Variants in ABCA12 observed in about 807,000 individuals in gnomAD.
ABCA12 encodes the protein glucosylceramide transporter ABCA12.
In ABCA12, 156 loss-of-function variants were observed where a neutral mutation model predicts 293.5. The observed-to-expected ratio is 0.53, with a 90% CI of 0.47 to 0.61. The LOEUF (loss-of-function observed/expected upper bound fraction) is 0.61. Ranked by LOEUF, ABCA12 falls within the 20% of genes least tolerant of loss-of-function variation. The pLI is 0.00. For missense variants in ABCA12, 2,797 were observed against 3,090.2 expected (o/e 0.91, Z 2.25); for synonymous variants, 1,063 against 1,108.0 (o/e 0.96, Z 0.81).
chr2:215,123,787 A>G (rs780448556), intron 1 of ABCA12, among the ~76,000 whole-genome samples: 37 of 151,010 alleles, frequency 2.5e-4, no homozygotes, highest in South Asian at 1.0e-3. Flanking sequence ...AATTTTTTTT[A>G]TAAGTTATTG....
chr2:215,055,267 G>A (rs1014143068), intron 3 of ABCA12, among the ~76,000 whole-genome samples: 5 of 152,034 alleles, frequency 3.3e-5, no homozygotes, highest in African/African-American at 1.2e-4. Context: ...TGTCAAGGCA[G>A]TAATAATTAC....
At chr2:214,981,547 T>A (rs2105965250) in intron 30 of ABCA12, among the ~76,000 whole-genome samples, 1 of 152,252 alleles carries the variant, frequency 6.6e-6, no homozygotes, top group African/African-American at 2.4e-5. Flanking sequence ...GCCAGTTAAG[T>A]GCTCAACTCA....
At chr2:214,964,210 T>G (rs1171398217) in intron 39 of ABCA12, among the ~76,000 whole-genome samples, 4 of 152,102 alleles carry the variant, frequency 2.6e-5, no homozygotes, top group Non-Finnish European at 5.9e-5. Flanking sequence ...TCAAACTAGG[T>G]ATTGAAGGAA....
In ABCA12 at chr2:215,025,735, A is replaced by C. The variant is rs1195388109; in HGVS notation, c.1225T>G (p.Phe409Val). 6.2e-7 allele frequency: 1 copy of C among 1,613,414 alleles called. No individual in the cohort carries two copies. The highest frequency in any genetic ancestry group is 2.2e-5 in the East Asian group (1 of 44,778). The part of the protein sequence containing the change: ...LQSTIRFKKS[F>V]LRNGSYEDYF... ...TCTTCATAGGAACCATTGCGAAGAA[A>C]AGATTTTTTAAATCGTATTGTGGAC... Residue 409 changes from phenylalanine to valine, a missense_variant, in exon 11 of 53, where the codon TTT becomes GTT. Around this residue, in one of 3 missense-constraint regions of ABCA12, gnomAD observed 656 missense variants for 638.2 expected, o/e 1.03. Transcript: ENST00000272895.
At chr2:215,030,863 GTTAAACCTAAGTAATCC>G (rs1700862568) in intron 9 of ABCA12, among the ~76,000 whole-genome samples, 1 of 152,148 alleles carries the variant, frequency 6.6e-6, no homozygotes, top group East Asian at 1.9e-4. Context: ...AAAAAAATTG[GTTAAACCTAAGTAATCC>G]TGTTTGTTTT....
At chr2:214,958,978 C>G in intron 40 of ABCA12, 46 bp downstream of exon 40, 1 of 1,561,988 alleles carries the variant, frequency 6.4e-7, no homozygotes, top group South Asian at 1.1e-5. Context: ...TACAAAGGCT[C>G]AGCTATGTCA....
At chr2:215,073,852 G>C (rs948224597) in intron 2 of ABCA12, among the ~76,000 whole-genome samples, 3 of 152,194 alleles carry the variant, frequency 2.0e-5, no homozygotes, top group African/African-American at 7.2e-5. Flanking sequence ...TTGGGGTTTG[G>C]AGGAGTAGAG....
intron 2 of ABCA12, among the ~76,000 whole-genome samples, chr2:215,101,805 C>A (rs1056445006): frequency 1.3e-5 from 2 of 152,114 alleles, no homozygotes; most frequent in Non-Finnish European, 2.9e-5. Context: ...AAGGAAATAG[C>A]TAGCTCTGAT....
chr2:214,960,941 A>C (rs1299644484), intron 39 of ABCA12, among the ~76,000 whole-genome samples: 1 of 152,186 alleles, frequency 6.6e-6, no homozygotes, highest in Non-Finnish European at 1.5e-5. Context: ...AAGGAAAGCT[A>C]ATTAAAAGAT....
At chr2:214,983,159 C>T (rs372015458) in intron 29 of ABCA12, among the ~76,000 whole-genome samples, 8 of 152,228 alleles carry the variant, frequency 5.3e-5, no homozygotes, top group African/African-American at 1.7e-4. Context: ...GACATGAAAT[C>T]AGAAGTGAGA....
At chr2:214,955,068 A>G (rs1169805772) in intron 43 of ABCA12, 134 bp downstream of exon 43, 2 of 1,158,394 alleles carry the variant, frequency 1.7e-6, no homozygotes. Context: ...AAGAATTTTA[A>G]AAGCTGTAGT....
At position 215,001,752 on chromosome 2, in the gene ABCA12, C is replaced by A. The variant is rs1335948952; in HGVS notation, c.2684-15G>T. On this transcript the variant is annotated splice_polypyrimidine_tract_variant and intron_variant, in intron 20 of 52. Transcript: ENST00000272895. ...TCTTAGAATATCTAAAGAGGCAAAG[C>A]AAAAGAGACAAAAAAAAATTATGGT... The A allele has an allele frequency of 2.1e-5, 33 of 1,606,368 alleles. No homozygotes were observed. The highest frequency in any genetic ancestry group is 2.5e-5 in the Non-Finnish European group (30 of 1,176,752).
chr2:215,031,650 A>C (rs182960283), intron 9 of ABCA12, among the ~76,000 whole-genome samples, 171 bp downstream of exon 9: 1 of 152,212 alleles, frequency 6.6e-6, no homozygotes, highest in East Asian at 1.9e-4. Context: ...AATATCAAAA[A>C]ATAAGTTTCA....
intron 2 of ABCA12, among the ~76,000 whole-genome samples, chr2:215,085,928 T>A (rs1161611863): frequency 6.6e-6 from 1 of 152,222 alleles, no homozygotes; most frequent in African/African-American, 2.4e-5. Context: ...ATGTAGTTTT[T>A]ATATAAAGAA....
chr2:214,990,864 G>A lies in ABCA12; in HGVS notation c.3462C>T (p.Tyr1154=). 1.9e-6 allele frequency: 3 copies of A among 1,614,090 alleles called. No homozygotes were observed. Among genetic ancestry groups the A allele is most frequent in the Non-Finnish European group, 2.5e-6 (3 of 1,179,986 alleles). Residue 1154 remains tyrosine (Y), a synonymous_variant, in exon 24 of 53, where the codon TAC becomes TAT. Transcript: ENST00000272895. The part of the protein sequence containing the change: ...GFILFLYFSD[Y]SFSVIAMSYL... ...AGCTCATGGCAATAACCGAGAAGCT[G>A]TAGTCCGAAAAATACAGGAACAAAA...
At chr2:214,976,854 C>G (rs1236331476) in intron 33 of ABCA12, among the ~76,000 whole-genome samples, 1 of 152,078 alleles carries the variant, frequency 6.6e-6, no homozygotes, top group African/African-American at 2.4e-5. Flanking sequence ...TCAGCACTCC[C>G]TCTAAAAACA....
At chr2:214,953,007 A>T (rs1197590787) in intron 44 of ABCA12, among the ~76,000 whole-genome samples, 2 of 152,222 alleles carry the variant, frequency 1.3e-5, no homozygotes, top group African/African-American at 4.8e-5. Context: ...GGTCATCTTC[A>T]ACTGTATATA....
chr2:215,120,204 A>C (rs1702776236), intron 1 of ABCA12, among the ~76,000 whole-genome samples: 1 of 152,206 alleles, frequency 6.6e-6, no homozygotes, highest in Non-Finnish European at 1.5e-5. Context: ...TCTCACTTAT[A>C]AGTGAGAGTT....
chr2:215,049,595 G>A (rs1175719815), intron 6 of ABCA12, 31 bp downstream of exon 6: 2 of 1,559,660 alleles, frequency 1.3e-6, no homozygotes, highest in African/African-American at 1.6e-5. Context: ...TTCATGTTGA[G>A]TCACTTTGTG....
Sources: gnomAD v4.1 joint callset for allele counts (sites outside exome capture counted in the v4.1 genomes callset) on GRCh38, gnomAD v4.1.1 for gene constraint, gnomAD v4.1.1 regional missense constraint, MANE v1.5 for transcripts, NCBI Gene and HGNC (gene_info 2026-07-23, HGNC 2026-07-21) for gene names.